The following INTS4 variants were observed in gnomAD, a reference collection of about 807,000 sequenced individuals.
The protein encoded by INTS4 is MSTP093.
INTS4 carries 70 observed loss-of-function variants against 119.5 expected under a neutral mutation model. The observed-to-expected ratio is 0.59, with a 90% CI of 0.48 to 0.71. The LOEUF (loss-of-function observed/expected upper bound fraction) is 0.71. Among genes scored for constraint, INTS4 ranks in the 30% least tolerant of loss-of-function variants. The pLI is 0.00. For missense variants in INTS4, 867 were observed against 1,173.2 expected (o/e 0.74, Z 3.81); for synonymous variants, 316 against 419.6 (o/e 0.75, Z 3.02).
downstream of INTS4, chr11:77,876,993 T>A (rs1322874837): frequency 2.8e-6 from 2 of 703,308 alleles, no homozygotes; most frequent in South Asian, 3.0e-5. Flanking sequence ...GTCAGGGCTG[T>A]GGTACAATTC....
intron 3 of INTS4, among the ~76,000 whole-genome samples, chr11:77,981,207 A>G (rs1856202377): frequency 2.0e-5 from 3 of 151,566 alleles, no homozygotes; most frequent in African/African-American, 7.3e-5. Context: ...AAAAAAAAAA[A>G]AAGGGACAAT....
chr11:77,987,653 C>G (rs750259319), intron 2 of INTS4: 2 of 450,164 alleles, frequency 4.4e-6, no homozygotes, highest in Non-Finnish European at 8.9e-6. Context: ...GTTGCTTGAG[C>G]TCAGGAATTC....
At chr11:77,875,390 G>A (rs1327821156), downstream of INTS4, among the ~76,000 whole-genome samples, 2 of 152,208 alleles carry the variant, frequency 1.3e-5, no homozygotes, top group African/African-American at 4.8e-5. Context: ...GTTTGTCTCA[G>A]TAATTTTAAT....
At chr11:77,885,667 A>G (rs1455468488) in intron 21 of INTS4, among the ~76,000 whole-genome samples, 1 of 151,956 alleles carries the variant, frequency 6.6e-6, no homozygotes, top group Non-Finnish European at 1.5e-5. Flanking sequence ...AAAAATACAA[A>G]AATTAGCTGG....
intron 2 of INTS4, among the ~76,000 whole-genome samples, chr11:77,988,783 G>C (rs989467649): frequency 5.3e-5 from 8 of 152,126 alleles, no homozygotes; most frequent in Non-Finnish European, 8.8e-5. Context: ...AGAGAACAGA[G>C]GAACAAGTTA....
chr11:77,970,344 A>G (rs996862415), intron 4 of INTS4, among the ~76,000 whole-genome samples: 5 of 151,470 alleles, frequency 3.3e-5, no homozygotes, highest in African/African-American at 1.2e-4. Flanking sequence ...GGTTGCAGTG[A>G]GCCAAGATCG....
intron 2 of INTS4, among the ~76,000 whole-genome samples, chr11:77,986,039 G>T (rs1034696635): frequency 1.3e-4 from 20 of 152,194 alleles, no homozygotes; most frequent in African/African-American, 4.6e-4. Flanking sequence ...CAACAATCTA[G>T]AACTGGGTCC....
rs1427711156 is a variant in INTS4 at position 77,883,910 on chromosome 11, G to C, written c.2635C>G (p.Pro879Ala). 2 of 1,613,250 alleles carry C rather than the reference G, an allele frequency of 1.2e-6. No homozygotes were observed. The highest frequency in any genetic ancestry group is 1.7e-4 in the Middle Eastern group (1 of 6,060). ...GGGCCAGGATTCCGGAAGTCTGCAG[G>C]CTTGGGGTGAATCATCTGAGCCTGG... ...DGQAQMIHPK[P>A]ADFRNPGPGR... is the part of the protein sequence containing the mutation. The change falls in exon 22 of 23, where the codon CCT becomes GCT. Residue 879 changes from proline to alanine, a missense_variant. By Grantham distance (27) the Pro-to-Ala change is conservative (BLOSUM62 -1). This residue lies in a region of INTS4 where 122 missense variants were observed against 133.2 expected (regional missense o/e 0.92). Coordinates refer to ENST00000534064, the MANE Select transcript of INTS4 (RefSeq NM_033547.4).
chr11:77,930,801 G>C (rs1953628245), intron 10 of INTS4, among the ~76,000 whole-genome samples: 1 of 140,202 alleles, frequency 7.1e-6, no homozygotes, highest in Non-Finnish European at 1.5e-5. Flanking sequence ...GCAACACAGT[G>C]AGACCCCATC....
intron 21 of INTS4, 24 bp from the exon 22 acceptor site, chr11:77,883,976 A>C (rs1951890985): frequency 1.9e-6 from 3 of 1,609,290 alleles, no homozygotes; most frequent in Non-Finnish European, 2.5e-6. Context: ...GAAATGAGAA[A>C]AAGGCAGAAG....
intron 1 of INTS4, among the ~76,000 whole-genome samples, chr11:77,992,272 C>T (rs11237347): frequency 0.19 from 29,167 of 151,362 alleles, 2,857 homozygotes; most frequent in Middle Eastern, 0.25. Flanking sequence ...GTGGTGTATG[C>T]CTGCAGTCCC....
intron 18 of INTS4, 149 bp downstream of exon 18, chr11:77,901,272 T>A (rs1053595299): frequency 1.2e-6 from 1 of 842,104 alleles, no homozygotes; most frequent in African/African-American, 1.7e-5. Context: ...ATTTGTAATA[T>A]CTGAAAAAAA....
chr11:77,901,538 G>A lies in INTS4; in HGVS notation c.2111C>T (p.Thr704Ile). 6.2e-7 allele frequency: 1 copy of A among 1,605,622 alleles called. No homozygotes were observed. The highest frequency in any genetic ancestry group is 8.5e-7 in the Non-Finnish European group (1 of 1,172,386). The change falls in exon 18 of 23, where the codon ACC becomes ATC. Residue 704 changes from threonine to isoleucine, a missense_variant. Coordinates refer to ENST00000534064, the MANE Select transcript of INTS4 (RefSeq NM_033547.4). ...ACTGTACATGAATTCCATTTTGTAGGTCTCTTCCATAATCTATAAAGGAAA... is the reference window on the plus strand; with the variant it reads ...ACTGTACATGAATTCCATTTTGTAGATCTCTTCCATAATCTATAAAGGAAA... The part of the protein sequence containing the change: ...SAAAKQIMEE[T>I]YKMEFMYSGV...
At chr11:77,931,748 A>G (rs1953655027) in intron 10 of INTS4, among the ~76,000 whole-genome samples, 1 of 152,220 alleles carries the variant, frequency 6.6e-6, no homozygotes, top group Admixed American at 6.5e-5. Context: ...AGATATATAG[A>G]CCAATGGAAC....
chr11:77,985,389 C>A (rs1254367710), intron 2 of INTS4, among the ~76,000 whole-genome samples: 1 of 152,204 alleles, frequency 6.6e-6, no homozygotes, highest in African/African-American at 2.4e-5. Context: ...TAGCCTGTCT[C>A]ACATCTCCAT....
At chr11:77,884,086 G>T (rs1157308842) in intron 21 of INTS4, 134 bp from the exon 22 acceptor site, 1 of 823,184 alleles carries the variant, frequency 1.2e-6, no homozygotes, top group Middle Eastern at 2.4e-4. Flanking sequence ...AGCCTTGGGG[G>T]TAGGTCAACA....
chr11:77,887,548 CAT>C (rs1398428896), intron 21 of INTS4, among the ~76,000 whole-genome samples: 1 of 152,110 alleles, frequency 6.6e-6, no homozygotes, highest in Non-Finnish European at 1.5e-5. Context: ...TCCTATTCAA[CAT>C]AGTGTTGGAA....
chr11:77,992,691 A>G (rs1856744213), intron 1 of INTS4, among the ~76,000 whole-genome samples: 1 of 152,262 alleles, frequency 6.6e-6, no homozygotes, highest in Non-Finnish European at 1.5e-5. Context: ...TAAAAAGAAT[A>G]AGGACTTTGG....
intron 10 of INTS4, among the ~76,000 whole-genome samples, chr11:77,937,303 C>T (rs1953820979): frequency 6.6e-6 from 1 of 152,074 alleles, no homozygotes; most frequent in Non-Finnish European, 1.5e-5. Context: ...CTGTACTATA[C>T]CCAGGCATAT....
Sources: allele counts gnomAD v4.1 joint callset (sites outside exome capture counted in the v4.1 genomes callset), GRCh38; gene constraint gnomAD v4.1.1; regional missense constraint gnomAD v4.1.1; transcripts MANE v1.5; gene names NCBI Gene and HGNC (gene_info 2026-07-23, HGNC 2026-07-21).